Variants in FBXW10 observed in about 807,000 individuals in gnomAD.
The protein encoded by FBXW10 is F-box/WD repeat-containing protein 10.
A neutral mutation model predicts 113.1 loss-of-function variants in FBXW10; 68 were observed. The observed-to-expected ratio is 0.60, with a 90% CI of 0.49 to 0.74. The LOEUF is 0.74. FBXW10 is among the 30% of genes least tolerant of loss of function. The pLI is 0.00. For synonymous variants in FBXW10, 289 were observed against 481.6 expected (o/e 0.60, Z 5.24); for missense variants, 753 against 1,284.5 (o/e 0.59, Z 6.32).
intron 7 of FBXW10, among the ~76,000 whole-genome samples, chr17:18,761,961 T>C (rs1343130520): frequency 3.9e-5 from 6 of 152,068 alleles, no homozygotes; most frequent in African/African-American, 2.4e-5. Flanking sequence ...GTTTTTCTTT[T>C]TCTTTTTCTT....
Position 18,778,732 on chromosome 17 carries a change from C to T in FBXW10, c.2593C>T (p.Arg865Cys), listed in dbSNP as rs774634144. 45 of 1,613,382 alleles carry T rather than the reference C, an allele frequency of 2.8e-5. No homozygotes were observed. The highest frequency in any genetic ancestry group is 6.7e-5 in the African/African-American group (5 of 74,828). ...GAATTTCAAAGGAAAATCAATCCAACGTGCAGTTGATCGGTTGAGATTGAG... is the reference window on the plus strand; with the variant it reads ...GAATTTCAAAGGAAAATCAATCCAATGTGCAGTTGATCGGTTGAGATTGAG... ...VLNFKGKSIQ[R>C]AVDRLRLSNP... The change falls in exon 14 of 14, where the codon CGT becomes TGT. Residue 865 changes from arginine (R) to cysteine (C), a missense_variant. Transcript: ENST00000395665.
chr17:18,770,373 G>A (rs1207948939), intron 11 of FBXW10, among the ~76,000 whole-genome samples: 1 of 150,996 alleles, frequency 6.6e-6, no homozygotes, highest in Non-Finnish European at 1.5e-5. Context: ...ATGTGATCTC[G>A]GCTCACTGCA....
At chr17:18,768,805 G>A (rs2035554004) in intron 10 of FBXW10, 129 bp downstream of exon 10, 1 of 959,608 alleles carries the variant, frequency 1.0e-6, no homozygotes. Context: ...CACCCTCTCT[G>A]CTTCCCTCCT....
chr17:18,776,144 C>G (rs1045779273), intron 13 of FBXW10, among the ~76,000 whole-genome samples: 18 of 152,070 alleles, frequency 1.2e-4, no homozygotes, highest in African/African-American at 4.3e-4. Flanking sequence ...CATGGTGAAA[C>G]CCCATCTCTA....
chr17:18,760,787 A>G (rs1354181555), intron 7 of FBXW10, among the ~76,000 whole-genome samples: 1 of 152,148 alleles, frequency 6.6e-6, no homozygotes, highest in Non-Finnish European at 1.5e-5. Flanking sequence ...CTCAAAAAAA[A>G]AAAAAAAATC....
At position 18,748,125 on chromosome 17, in the gene FBXW10, G is replaced by A; in HGVS notation, c.670+20G>A. 6.2e-7 allele frequency: 1 copy of A among 1,613,694 alleles called. No individual in the cohort carries two copies. The highest frequency in any genetic ancestry group is 8.5e-7 in the Non-Finnish European group (1 of 1,179,688). ...ACCCTGGTAAGTGAACTTTCAGCAA[G>A]AAAGCCAATATGGGCTAGGTGCGGT... On this transcript the variant is annotated intron_variant, in intron 2 of 13. Coordinates refer to ENST00000395665, the MANE Select transcript of FBXW10 (RefSeq NM_001267585.2).
chr17:18,777,584 C>T (rs2035725820), intron 13 of FBXW10, among the ~76,000 whole-genome samples: 1 of 151,390 alleles, frequency 6.6e-6, no homozygotes, highest in African/African-American at 2.4e-5. Flanking sequence ...TGCTCTGTCG[C>T]CCAGGCTGGA....
At position 18,748,115 on chromosome 17, in the gene FBXW10, C is replaced by T; in HGVS notation, c.670+10C>T. On this transcript the variant is annotated intron_variant, in intron 2 of 13. Coordinates refer to ENST00000395665, the MANE Select transcript of FBXW10 (RefSeq NM_001267585.2). ...GCAGCATCTAACCCTGGTAAGTGAA[C>T]TTTCAGCAAGAAAGCCAATATGGGC... is the stretch of plus-strand genomic sequence containing the variant. The T allele has an allele frequency of 6.2e-7, 1 of 1,613,736 alleles. No individual in the cohort carries two copies. The highest frequency in any genetic ancestry group is 1.3e-5 in the African/African-American group (1 of 75,002).
Position 18,748,122 on chromosome 17 carries a change from C to A in FBXW10, c.670+17C>A. 6.2e-7 allele frequency: 1 copy of A among 1,613,610 alleles called. No homozygotes were observed. On this transcript the variant is annotated intron_variant, in intron 2 of 13. Coordinates refer to ENST00000395665, the MANE Select transcript of FBXW10 (RefSeq NM_001267585.2). Reference sequence around the variant, plus strand: ...CTAACCCTGGTAAGTGAACTTTCAGCAAGAAAGCCAATATGGGCTAGGTGC... The same window carrying A: ...CTAACCCTGGTAAGTGAACTTTCAGAAAGAAAGCCAATATGGGCTAGGTGC...
chr17:18,770,428 G>A (rs1175747579), intron 11 of FBXW10, among the ~76,000 whole-genome samples: 2 of 151,866 alleles, frequency 1.3e-5, no homozygotes, highest in East Asian at 1.9e-4. Context: ...TCAGCCTCCC[G>A]AGTAGCTGGG....
intron 11 of FBXW10, among the ~76,000 whole-genome samples, chr17:18,771,284 T>C (rs1288641284): frequency 2.0e-5 from 3 of 152,214 alleles, no homozygotes; most frequent in Non-Finnish European, 4.4e-5. Flanking sequence ...GAGTTTATGC[T>C]GTTGGTTAAG....
intron 11 of FBXW10, among the ~76,000 whole-genome samples, chr17:18,772,040 G>A (rs1387280215): frequency 6.6e-6 from 1 of 152,168 alleles, no homozygotes; most frequent in Non-Finnish European, 1.5e-5. Context: ...CCAGGAGGCG[G>A]AGGTTGCAGT....
chr17:18,771,834 C>T (rs1359933804), intron 11 of FBXW10, among the ~76,000 whole-genome samples: 3 of 152,284 alleles, frequency 2.0e-5, no homozygotes, highest in East Asian at 3.9e-4. Flanking sequence ...TGAGGCCAGG[C>T]GCAGTGGCTC....
intron 1 of FBXW10, among the ~76,000 whole-genome samples, chr17:18,747,682 A>G (rs2035064283): frequency 6.6e-6 from 1 of 152,066 alleles, no homozygotes; most frequent in Admixed American, 6.5e-5. Flanking sequence ...GCAATTCCTG[A>G]CCTCGACTCT....
chr17:18,754,284 C>T (rs1023660935), intron 5 of FBXW10, among the ~76,000 whole-genome samples: 6 of 152,134 alleles, frequency 3.9e-5, no homozygotes, highest in Non-Finnish European at 8.8e-5. Flanking sequence ...CCAATGAATT[C>T]TCACCTGGGT....
At chr17:18,777,614 G>A (rs1472324994) in intron 13 of FBXW10, among the ~76,000 whole-genome samples, 3 of 151,342 alleles carry the variant, frequency 2.0e-5, no homozygotes, top group Non-Finnish European at 4.4e-5. Flanking sequence ...CGCGATCTTG[G>A]CTTACTGCAA....
intron 10 of FBXW10, 194 bp from the exon 11 acceptor site, chr17:18,769,733 C>T (rs750276989): frequency 9.6e-5 from 58 of 605,418 alleles, no homozygotes; most frequent in Non-Finnish European, 1.3e-4. Context: ...GCCAAGATCG[C>T]ACCGTTGCAC....
In FBXW10 at chr17:18,778,494, A is replaced by G. The variant is rs573945690; in HGVS notation, c.2355A>G (p.Ala785=). 1.5e-5 allele frequency: 24 copies of G among 1,613,376 alleles called. No individual in the cohort carries two copies. In the South Asian group the frequency reaches 2.5e-4, roughly 17 times the overall value. ...PRRDADDVEK[A]QKQGQLETPG... ...AAAAAGCAGATGATGTGGAGAAAGC[A>G]CAAAAACAAGGACAATTGGAAACTC... Residue 785 remains alanine (A), a synonymous_variant, in exon 14 of 14, where the codon GCA becomes GCG. Coordinates refer to ENST00000395665, the MANE Select transcript of FBXW10 (RefSeq NM_001267585.2).
chr17:18,765,928 C>T (rs2035489471), intron 8 of FBXW10, among the ~76,000 whole-genome samples: 1 of 151,640 alleles, frequency 6.6e-6, no homozygotes, highest in Non-Finnish European at 1.5e-5. Flanking sequence ...GGGGTTTCAC[C>T]ATGTTGGCTA....
Sources: gnomAD v4.1 joint callset for allele counts (sites outside exome capture counted in the v4.1 genomes callset) on GRCh38, gnomAD v4.1.1 for gene constraint, MANE v1.5 for transcripts, NCBI Gene and HGNC (gene_info 2026-07-23, HGNC 2026-07-21) for gene names.